The following SLC24A3 variants were observed in gnomAD, a reference collection of about 807,000 sequenced individuals.
SLC24A3 encodes sodium/potassium/calcium exchanger 3.
In SLC24A3, 28 loss-of-function variants were observed where a neutral mutation model predicts 75.8. The ratio of observed to expected loss-of-function variants is 0.37; its 90% CI spans 0.27 to 0.51. The LOEUF (loss-of-function observed/expected upper bound fraction) is 0.51, where lower values mean the gene tolerates loss of function less well. SLC24A3 is among the 20% of genes least tolerant of loss of function. SLC24A3 has a pLI of 0.94. For synonymous variants in SLC24A3, 372 were observed against 334.1 expected (o/e 1.11, Z -1.24); for missense variants, 663 against 847.8 (o/e 0.78, Z 2.71).
intron 1 of SLC24A3, 182 bp downstream of exon 1, chr20:19,213,166 G>T (rs1981455537): frequency 1.5e-6 from 1 of 646,516 alleles, no homozygotes; most frequent in African/African-American, 1.9e-5. Flanking sequence ...AGGCATGGAG[G>T]TGGGGACCCT....
intron 1 of SLC24A3, among the ~76,000 whole-genome samples, chr20:19,229,564 T>C (rs1981959216): frequency 6.6e-6 from 1 of 152,164 alleles, no homozygotes; most frequent in Non-Finnish European, 1.5e-5. Context: ...TTTTCTGCAA[T>C]TAATTATTTG....
At chr20:19,679,655 A>C (rs1159711382) in intron 9 of SLC24A3, among the ~76,000 whole-genome samples, 1 of 152,192 alleles carries the variant, frequency 6.6e-6, no homozygotes, top group Non-Finnish European at 1.5e-5. Flanking sequence ...CTTTAACATA[A>C]CCACATTATC....
At chr20:19,693,719 T>G (rs2032773301) in intron 13 of SLC24A3, 1 of 295,544 alleles carries the variant, frequency 3.4e-6, no homozygotes, top group African/African-American at 2.1e-5. Flanking sequence ...CCATGTCTAC[T>G]CCACGTGTCT....
chr20:19,577,615 G>A (rs1238026999), intron 3 of SLC24A3, among the ~76,000 whole-genome samples: 1 of 152,172 alleles, frequency 6.6e-6, no homozygotes, highest in Non-Finnish European at 1.5e-5. Context: ...CACCAACTGA[G>A]AGAGAAATGT....
At chr20:19,291,272 T>C (rs1034836877) in intron 2 of SLC24A3, among the ~76,000 whole-genome samples, 6 of 152,146 alleles carry the variant, frequency 3.9e-5, no homozygotes, top group Non-Finnish European at 8.8e-5. Context: ...CTGGTCTCTC[T>C]CCCCAAAGGC....
intron 6 of SLC24A3, among the ~76,000 whole-genome samples, chr20:19,594,324 C>T (rs770028283): frequency 1.6e-4 from 24 of 152,206 alleles, no homozygotes; most frequent in Non-Finnish European, 3.2e-4. Flanking sequence ...CAAGCAGCTA[C>T]AGTCCAGGTG....
chr20:19,697,890 G>A (rs966593582), intron 14 of SLC24A3, among the ~76,000 whole-genome samples: 1 of 152,132 alleles, frequency 6.6e-6, no homozygotes, highest in African/African-American at 2.4e-5. Flanking sequence ...CAGAATCCTT[G>A]AAACCATCTG....
intron 6 of SLC24A3, among the ~76,000 whole-genome samples, chr20:19,590,200 C>G (rs2031354804): frequency 6.6e-6 from 1 of 151,786 alleles, no homozygotes; most frequent in Non-Finnish European, 1.5e-5. Flanking sequence ...TTACTTAGCA[C>G]AAACAATGTG....
At chr20:19,688,654 TTC>T (rs2032709086) in intron 12 of SLC24A3, among the ~76,000 whole-genome samples, 1 of 152,226 alleles carries the variant, frequency 6.6e-6, no homozygotes, top group South Asian at 2.1e-4. Context: ...GAGGACATTT[TTC>T]TCTCTCATAG....
rs573381199 is a variant in SLC24A3, at chr20:19,501,693, A to G, written c.272-13795A>G. Among the ~76,000 whole-genome samples the G allele has an allele frequency of 9.8e-5, 15 of 152,290 alleles. No homozygotes were observed. The South Asian group carries it at 2.3e-3, about 23-fold the overall frequency. The stretch of plus-strand genomic sequence containing the variant: ...CTGCCACAGATGCTTGTTTGGGATG[A>G]CTTGACCTTGAAATATTTATAGTTG... On this transcript the variant is annotated intron_variant, in intron 2 of 16. Coordinates refer to ENST00000328041, the MANE Select transcript of SLC24A3 (RefSeq NM_020689.4).
intron 13 of SLC24A3, 55 bp from the exon 14 acceptor site, chr20:19,696,742 G>T: frequency 1.7e-6 from 2 of 1,211,706 alleles, no homozygotes; most frequent in Non-Finnish European, 2.4e-6. Context: ...AAGAATCATG[G>T]GCAGGTGGGG....
intron 2 of SLC24A3, among the ~76,000 whole-genome samples, chr20:19,326,412 C>T (rs1301813860): frequency 6.6e-6 from 1 of 152,086 alleles, no homozygotes; most frequent in Non-Finnish European, 1.5e-5. Context: ...TCTCTTCTTT[C>T]ACTCTTTAAC....
intron 2 of SLC24A3, among the ~76,000 whole-genome samples, chr20:19,416,590 C>T (rs1325038244): frequency 6.6e-6 from 1 of 152,102 alleles, no homozygotes; most frequent in African/African-American, 2.4e-5. Context: ...CCTGCTGGTT[C>T]CCAATCAGTG....
chr20:19,379,989 C>G (rs1179194533), intron 2 of SLC24A3, among the ~76,000 whole-genome samples: 1 of 152,182 alleles, frequency 6.6e-6, no homozygotes, highest in African/African-American at 2.4e-5. Flanking sequence ...GGCAAATACC[C>G]TACTTGGTGC....
At chr20:19,524,203 T>C (rs1316372607) in intron 3 of SLC24A3, among the ~76,000 whole-genome samples, 1 of 152,082 alleles carries the variant, frequency 6.6e-6, no homozygotes, top group Non-Finnish European at 1.5e-5. Context: ...TCCTGGAACC[T>C]CCTGGGATCC....
At position 19,262,404 on chromosome 20, in the gene SLC24A3, C is replaced by CAAAA. The variant is rs58691860; in HGVS notation, c.143-18536_143-18533dup. 3.9e-3 allele frequency among the ~76,000 whole-genome samples: 292 copies of CAAAA among 74,780 alleles called. 2 individuals are homozygous for CAAAA. In the South Asian group the frequency reaches 0.043, roughly 11 times the overall value. 49.1% of individuals were successfully genotyped at this position (74,780 alleles called of 152,430 possible). On this transcript the variant is annotated intron_variant, in intron 1 of 16. Coordinates refer to ENST00000328041, the MANE Select transcript of SLC24A3 (RefSeq NM_020689.4). Reference sequence around the variant, plus strand: ...TGGGCGACAGAGCGAGACTCCGTCTCAAAAAAAAAAAAAAAAAAAAAAGAA... The same window carrying CAAAA: ...TGGGCGACAGAGCGAGACTCCGTCTCAAAAAAAAAAAAAAAAAAAAAAAAAAGAA...
intron 2 of SLC24A3, among the ~76,000 whole-genome samples, chr20:19,483,126 G>C (rs552707994): frequency 6.6e-6 from 1 of 152,156 alleles, no homozygotes. Context: ...GGCTGCTAAG[G>C]CCAGGCACAT....
intron 2 of SLC24A3, among the ~76,000 whole-genome samples, chr20:19,372,731 C>T (rs544584876): frequency 3.3e-5 from 5 of 152,154 alleles, no homozygotes; most frequent in African/African-American, 9.6e-5. Context: ...AGTGATGGAG[C>T]GGGAGGAAAG....
intron 2 of SLC24A3, among the ~76,000 whole-genome samples, chr20:19,459,593 A>G (rs931565285): frequency 1.1e-4 from 17 of 152,226 alleles, no homozygotes; most frequent in African/African-American, 4.1e-4. Context: ...GAACCTTCAT[A>G]CTATGGAACC....
Sources: allele counts gnomAD v4.1 joint callset (sites outside exome capture counted in the v4.1 genomes callset), GRCh38; gene constraint gnomAD v4.1.1; transcripts MANE v1.5; gene names NCBI Gene and HGNC (gene_info 2026-07-23, HGNC 2026-07-21).